IL1RAPL1: variants seen among roughly 807,000 people sequenced by gnomAD.
IL1RAPL1 encodes the protein interleukin 1 receptor accessory protein like 1.
IL1RAPL1 carries 3 observed loss-of-function variants against 48.4 expected under a neutral mutation model. The ratio of observed to expected loss-of-function variants is 0.06; its 90% CI spans 0.03 to 0.16. The LOEUF (loss-of-function observed/expected upper bound fraction) is 0.16, where lower values mean the gene tolerates loss of function less well. Ranked by LOEUF, IL1RAPL1 falls within the 10% of genes least tolerant of loss-of-function variation. The pLI is 1.00. For synonymous variants in IL1RAPL1, 185 were observed against 187.7 expected (o/e 0.99, Z 0.12); for missense variants, 349 against 530.6 (o/e 0.66, Z 3.36).
chrX:29,373,854 A>T (rs1602201575), intron 3 of IL1RAPL1, among the ~76,000 whole-genome samples: 1 of 40,354 alleles, frequency 2.5e-5, no homozygotes, highest in Non-Finnish European at 5.2e-5. Flanking sequence ...TGTTGTGATG[A>T]CCTCTCTTTT....
At chrX:29,907,445 A>ATAGT (rs1932657083) in intron 6 of IL1RAPL1, among the ~76,000 whole-genome samples, 1 of 111,027 alleles carries the variant, frequency 9.0e-6, no homozygotes, top group South Asian at 3.7e-4. Context: ...TATTTATTTC[A>ATAGT]TAGTAATATT....
rs576939269 is a variant in IL1RAPL1 at position 29,410,320 on chromosome X, G to A, written c.703+11012G>A. ...TACCAAAAATACAAAAATTAGCTGG[G>A]TGTGGTGGTGCGTGCCTGTAGTCCC... On this transcript the variant is annotated intron_variant, in intron 5 of 10. Transcript: ENST00000378993. Among the ~76,000 whole-genome samples, 10 of 109,710 alleles carry A rather than the reference G, an allele frequency of 9.1e-5. No individual in the cohort carries two copies. In the Middle Eastern group the frequency reaches 0.019, roughly 204 times the overall value.
At chrX:28,859,898 C>G (rs1921899228) in intron 2 of IL1RAPL1, among the ~76,000 whole-genome samples, 1 of 110,190 alleles carries the variant, frequency 9.1e-6, no homozygotes, top group Admixed American at 9.7e-5. Flanking sequence ...TAGTATTCAT[C>G]TTTGTTTACT....
chrX:29,466,887 A>G (rs750988551), intron 5 of IL1RAPL1, among the ~76,000 whole-genome samples: 3 of 111,588 alleles, frequency 2.7e-5, no homozygotes, highest in Non-Finnish European at 5.6e-5. Flanking sequence ...CTTGACCTAG[A>G]GTAGTATTTC....
At chrX:28,901,346 G>A (rs1467084015) in intron 2 of IL1RAPL1, among the ~76,000 whole-genome samples, 1 of 112,011 alleles carries the variant, frequency 8.9e-6, no homozygotes, top group Non-Finnish European at 1.9e-5. Flanking sequence ...GAAGCATCAT[G>A]CCATTTGAAA....
chrX:29,564,069 C>G (rs1175625582), intron 5 of IL1RAPL1, among the ~76,000 whole-genome samples: 1 of 111,518 alleles, frequency 9.0e-6, no homozygotes, highest in Non-Finnish European at 1.9e-5. Flanking sequence ...GAGTTTGTCA[C>G]TTCTAAACTG....
intron 2 of IL1RAPL1, among the ~76,000 whole-genome samples, chrX:29,261,456 T>C (rs778625111): frequency 9.0e-6 from 1 of 110,926 alleles, no homozygotes; most frequent in African/African-American, 3.3e-5. Flanking sequence ...CCTCCAGACC[T>C]CCTCAATTTA....
intron 1 of IL1RAPL1, among the ~76,000 whole-genome samples, chrX:28,642,097 A>C (rs963777367): frequency 1.8e-5 from 2 of 111,707 alleles, no homozygotes; most frequent in Admixed American, 1.9e-4. Context: ...AGATCAATGC[A>C]ACAAGAAGAG....
intron 2 of IL1RAPL1, among the ~76,000 whole-genome samples, chrX:28,797,799 C>T (rs767377537): frequency 8.9e-6 from 1 of 111,825 alleles, no homozygotes; most frequent in Non-Finnish European, 1.9e-5. Context: ...ATCTTTTCAG[C>T]AATGCCCTAC....
intron 5 of IL1RAPL1, among the ~76,000 whole-genome samples, chrX:29,416,358 A>G (rs1314127504): frequency 1.8e-5 from 2 of 111,397 alleles, no homozygotes; most frequent in Non-Finnish European, 3.8e-5. Flanking sequence ...AGACATGGTG[A>G]CACCTTGTTT....
chrX:29,363,205 A>G lies in IL1RAPL1; in HGVS notation c.363-33053A>G, dbSNP rs752305186. ...GTTGTTTTTAGCTTTTAATCATAGT[A>G]CAAAAAAGGTAACATAAAATTTACC... On this transcript the variant is annotated intron_variant, in intron 3 of 10. Transcript: ENST00000378993. 4.5e-5 allele frequency among the ~76,000 whole-genome samples: 5 copies of G among 112,110 alleles called. No homozygotes were observed. In the South Asian group the frequency reaches 1.5e-3, roughly 33 times the overall value.
chrX:29,232,949 C>A (rs1014214563), intron 2 of IL1RAPL1, among the ~76,000 whole-genome samples: 1 of 109,348 alleles, frequency 9.1e-6, no homozygotes, highest in Non-Finnish European at 1.9e-5. Context: ...CAGGCACCCG[C>A]CACCGCACCC....
chrX:29,751,826 G>T (rs1928469672), intron 6 of IL1RAPL1, among the ~76,000 whole-genome samples: 1 of 107,879 alleles, frequency 9.3e-6, no homozygotes, highest in African/African-American at 3.4e-5. Flanking sequence ...TATCTACCTG[G>T]GAGGCTAAGG....
chrX:28,865,437 T>TGA (rs1354864039), intron 2 of IL1RAPL1, among the ~76,000 whole-genome samples: 15 of 54,988 alleles, frequency 2.7e-4, no homozygotes, highest in African/African-American at 1.0e-3. Context: ...AGACCCTGTC[T>TGA]CAAAAAAAAA....
At chrX:28,853,801 T>C (rs1414323282) in intron 2 of IL1RAPL1, among the ~76,000 whole-genome samples, 1 of 111,967 alleles carries the variant, frequency 8.9e-6, no homozygotes, top group South Asian at 3.7e-4. Context: ...TAAAAAGAAT[T>C]ATAAGATGTA....
In IL1RAPL1 at chrX:28,878,072, G is replaced by A. The variant is rs762465498; in HGVS notation, c.82+88647G>A. Reference sequence around the variant, plus strand: ...AGGTAAGGAGAGGCACTATTCAAAAGGATTATTTTAAGAGCTGGGAGAGGG... The same window carrying A: ...AGGTAAGGAGAGGCACTATTCAAAAAGATTATTTTAAGAGCTGGGAGAGGG... On this transcript the variant is annotated intron_variant, in intron 2 of 10. Transcript: ENST00000378993. Among the ~76,000 whole-genome samples the A allele has an allele frequency of 2.7e-5, 3 of 111,967 alleles. No individual in the cohort carries two copies. The East Asian group carries it at 8.5e-4, about 32-fold the overall frequency.
At chrX:28,775,104 A>G (rs1312229711) in intron 1 of IL1RAPL1, among the ~76,000 whole-genome samples, 1 of 111,985 alleles carries the variant, frequency 8.9e-6, no homozygotes, top group Non-Finnish European at 1.9e-5. Flanking sequence ...CTTTTGTTCC[A>G]TTATAGTACA....
chrX:29,696,400 C>A (rs992699095), intron 6 of IL1RAPL1, among the ~76,000 whole-genome samples: 2 of 111,904 alleles, frequency 1.8e-5, no homozygotes, highest in African/African-American at 6.5e-5. Context: ...CTCCTGAGCC[C>A]AAAATCATAT....
intron 5 of IL1RAPL1, among the ~76,000 whole-genome samples, chrX:29,615,554 G>A (rs1924261351): frequency 1.8e-5 from 2 of 110,928 alleles, no homozygotes; most frequent in Admixed American, 9.6e-5. Flanking sequence ...AACAATTCTT[G>A]GGAAACTAAG....
Sources: gnomAD v4.1 joint callset for allele counts (sites outside exome capture counted in the v4.1 genomes callset) on GRCh38, gnomAD v4.1.1 for gene constraint, MANE v1.5 for transcripts, NCBI Gene and HGNC (gene_info 2026-07-23, HGNC 2026-07-21) for gene names.